The following TECPR2 variants were observed in gnomAD, a reference collection of about 807,000 sequenced individuals.
TECPR2 encodes tectonin beta-propeller repeat-containing protein 2.
In TECPR2, 65 loss-of-function variants were observed where a neutral mutation model predicts 138.1. That is an observed-to-expected ratio of 0.47 (90% confidence interval 0.39 to 0.58). The LOEUF (loss-of-function observed/expected upper bound fraction) is 0.58. Ranked by LOEUF, TECPR2 falls within the 20% of genes least tolerant of loss-of-function variation. The probability of loss-of-function intolerance (pLI) is 0.00; values close to 1 mark genes in which losing one functional copy is unlikely to be tolerated. For missense variants in TECPR2, 1,553 were observed against 1,824.5 expected, an observed-to-expected ratio of 0.85 and a Z score of 2.71; for synonymous variants, 746 against 749.8, an observed-to-expected ratio of 0.99 and a Z score of 0.08.
At chr14:102,488,632 C>T (rs771659015) in intron 17 of TECPR2, among the ~76,000 whole-genome samples, 1 of 152,128 alleles carries the variant, frequency 6.6e-6, no homozygotes, top group Non-Finnish European at 1.5e-5. Context: ...GCATGAGCCA[C>T]TGCACCCGGC....
intron 2 of TECPR2, among the ~76,000 whole-genome samples, chr14:102,403,185 C>A (rs1326679484): frequency 6.6e-6 from 1 of 152,104 alleles, no homozygotes; most frequent in Non-Finnish European, 1.5e-5. Flanking sequence ...GATTATACAC[C>A]ATGACCAAAG....
chr14:102,436,888 C>A, intron 9 of TECPR2: 1 of 682,964 alleles, frequency 1.5e-6, no homozygotes. Context: ...AATGTCTGGG[C>A]GTTAGCCAGG....
intron 17 of TECPR2, 76 bp downstream of exon 17, chr14:102,465,365 G>C: frequency 5.1e-6 from 8 of 1,573,926 alleles, no homozygotes; most frequent in Non-Finnish European, 6.9e-6. Flanking sequence ...TGGGAAAAAG[G>C]ATCTGCACAG....
At chr14:102,368,477 A>G (rs1887406642) in intron 1 of TECPR2, among the ~76,000 whole-genome samples, 1 of 152,182 alleles carries the variant, frequency 6.6e-6, no homozygotes, top group Non-Finnish European at 1.5e-5. Flanking sequence ...AGTAGCTGAG[A>G]CTATAGCCAC....
intron 2 of TECPR2, among the ~76,000 whole-genome samples, chr14:102,379,327 G>A: frequency 6.6e-6 from 1 of 151,960 alleles, no homozygotes; most frequent in South Asian, 2.1e-4. Context: ...AGGCGTCCTA[G>A]TCACACTGCT....
chr14:102,476,090 G>C (rs145069058), intron 17 of TECPR2, among the ~76,000 whole-genome samples: 1 of 150,926 alleles, frequency 6.6e-6, no homozygotes, highest in Non-Finnish European at 1.5e-5. Context: ...ACCTGTAATC[G>C]TAGCTACTCA....
Position 102,499,231 on chromosome 14 carries a change from A to T in TECPR2, c.*974A>T, listed in dbSNP as rs1473919293. On this transcript the variant is annotated 3_prime_UTR_variant, in exon 20 of 20. Coordinates refer to ENST00000359520, the MANE Select transcript of TECPR2 (RefSeq NM_014844.5). ...CTGAGCAAGGGTCGCTCACTTAGAA[A>T]TGTCTTTGGAATGGTGTTTAACTAA... is the stretch of plus-strand genomic sequence containing the variant. 1 of 687,172 alleles carries T rather than the reference A, an allele frequency of 1.5e-6. No individual in the cohort carries two copies. Among genetic ancestry groups the T allele is most frequent in the Admixed American group, 2.0e-5 (1 of 49,370 alleles). The allele number at this position is 687,172 out of a possible 1,614,324, so 42.6% of individuals were successfully genotyped here.
Position 102,431,891 on chromosome 14 carries a change from A to G in TECPR2, c.1180A>G (p.Arg394Gly). ...GGCCACAGTTTCTGAGACGAGGCTC[A>G]GAGGCTCTTCCATGGCCAGCTCCGT... ...PGATVSETRL[R>G]GSSMASSVAS... The change falls in exon 8 of 20, where the codon AGA becomes GGA. Residue 394 changes from arginine to glycine, a missense_variant. Coordinates refer to ENST00000359520, the MANE Select transcript of TECPR2 (RefSeq NM_014844.5). 6.2e-7 allele frequency: 1 copy of G among 1,609,190 alleles called. No homozygotes were observed. The highest frequency in any genetic ancestry group is 8.5e-7 in the Non-Finnish European group (1 of 1,175,970).
chr14:102,444,756 G>A (rs1290700243), intron 12 of TECPR2, among the ~76,000 whole-genome samples: 3 of 152,278 alleles, frequency 2.0e-5, no homozygotes, highest in Middle Eastern at 6.8e-3. Context: ...GGCGGATCAC[G>A]AGGTCAAGAG....
At chr14:102,466,427 G>A (rs752728938) in intron 17 of TECPR2, among the ~76,000 whole-genome samples, 16 of 152,110 alleles carry the variant, frequency 1.1e-4, no homozygotes, top group African/African-American at 1.7e-4. Context: ...CTCTGCACAC[G>A]GTGACGTACT....
intron 4 of TECPR2, among the ~76,000 whole-genome samples, 177 bp from the exon 5 acceptor site, chr14:102,414,459 G>A (rs768782259): frequency 5.3e-5 from 8 of 152,316 alleles, no homozygotes; most frequent in Admixed American, 1.3e-4. Context: ...TTTCCCATCC[G>A]TCAAATAATC....
At chr14:102,402,132 AG>A (rs1888508443) in intron 2 of TECPR2, among the ~76,000 whole-genome samples, 2 of 152,194 alleles carry the variant, frequency 1.3e-5, no homozygotes, top group Admixed American at 1.3e-4. Context: ...GATGTTTTCC[AG>A]GATAGACTAT....
At chr14:102,379,484 C>T (rs1165958769) in intron 2 of TECPR2, among the ~76,000 whole-genome samples, 1 of 149,112 alleles carries the variant, frequency 6.7e-6, no homozygotes, top group African/African-American at 2.5e-5. Flanking sequence ...GTCCTGGTCA[C>T]ACTGCTAAAG....
intron 17 of TECPR2, among the ~76,000 whole-genome samples, chr14:102,477,267 A>G (rs961230177): frequency 2.6e-5 from 4 of 151,928 alleles, no homozygotes; most frequent in African/African-American, 9.7e-5. Context: ...CTACTTGGGA[A>G]GCTGAAGCAG....
rs1891391705 is a variant in TECPR2 at position 102,499,658 on chromosome 14, C to T, written c.*1401C>T. The stretch of plus-strand genomic sequence containing the variant: ...GGGCAGTGCCCACCCCGCCCACTGG[C>T]ATCTGCGTGTGAGGGCTAGGCCGCC... On this transcript the variant is annotated 3_prime_UTR_variant, in exon 20 of 20. Transcript: ENST00000359520. 2.5e-5 allele frequency: 5 copies of T among 197,022 alleles called. No homozygotes were observed. The South Asian group carries it at 2.9e-4, about 11-fold the overall frequency. The allele number at this position is 197,022 out of a possible 1,614,324, so 12.2% of individuals were successfully genotyped here.
rs1386848282 is a variant in TECPR2 at position 102,363,001 on chromosome 14, C to T, written c.-188C>T. 7 of 1,039,044 alleles carry T rather than the reference C, an allele frequency of 6.7e-6. No homozygotes were observed. The African/African-American group carries it at 1.1e-4, about 17-fold the overall frequency. The allele number at this position is 1,039,044 out of a possible 1,614,324, so 64.4% of individuals were successfully genotyped here. On this transcript the variant is annotated 5_prime_UTR_variant, in exon 1 of 20. Coordinates refer to ENST00000359520, the MANE Select transcript of TECPR2 (RefSeq NM_014844.5). ...CAGCTGCTGCTCTTCGGTGCTGGCC[C>T]CGGTGCCGGCCCCGTTGCCCAGGGA...
intron 17 of TECPR2, among the ~76,000 whole-genome samples, chr14:102,475,107 T>C (rs1307810562): frequency 6.6e-6 from 1 of 152,172 alleles, no homozygotes; most frequent in African/African-American, 2.4e-5. Context: ...CTTCCAGAGC[T>C]GTGGGCAGAG....
At chr14:102,426,183 G>A (rs1402621882) in intron 6 of TECPR2, among the ~76,000 whole-genome samples, 1 of 151,996 alleles carries the variant, frequency 6.6e-6, no homozygotes, top group Non-Finnish European at 1.5e-5. Flanking sequence ...GCCGCGCCCG[G>A]CCGCCACTTG....
rs929347602 is a variant in TECPR2, at chr14:102,501,557, T to C, written c.*3300T>C. On this transcript the variant is annotated 3_prime_UTR_variant, in exon 20 of 20. Coordinates refer to ENST00000359520, the MANE Select transcript of TECPR2 (RefSeq NM_014844.5). ...ACCTTGTTTCTCAAAAATAAATAAA[T>C]AGAAGGAAATAAATGTAAAAATGCT... 2 of 151,614 alleles carry C rather than the reference T, an allele frequency of 1.3e-5. No individual in the cohort carries two copies. Among genetic ancestry groups the C allele is most frequent in the Non-Finnish European group, 2.9e-5 (2 of 67,900 alleles). The allele number at this position is 151,614 out of a possible 1,614,324, so 9.4% of individuals were successfully genotyped here.
Sources: allele counts gnomAD v4.1 joint callset (sites outside exome capture counted in the v4.1 genomes callset), GRCh38; gene constraint gnomAD v4.1.1; transcripts MANE v1.5; gene names NCBI Gene and HGNC (gene_info 2026-07-23, HGNC 2026-07-21).